Variants in ST3GAL3 observed in about 807,000 individuals in gnomAD.
ST3GAL3 encodes the protein CMP-N-acetylneuraminate-beta-1,4-galactoside alpha-2,3-sialyltransferase.
Under a neutral mutation model 50.1 loss-of-function variants are expected in ST3GAL3, and 21 were observed. The ratio of observed to expected loss-of-function variants is 0.42; its 90% confidence interval spans 0.30 to 0.60. ST3GAL3 has a LOEUF of 0.60. Ranked by LOEUF, ST3GAL3 falls within the 20% of genes least tolerant of loss-of-function variation. ST3GAL3 has a pLI of 0.19. For synonymous variants in ST3GAL3, 183 were observed against 190.0 expected (o/e 0.96, Z 0.30); for missense variants, 353 against 489.4 (o/e 0.72, Z 2.63).
chr1:43,807,308 C>T (rs142210612), intron 3 of ST3GAL3, among the ~76,000 whole-genome samples: 2,567 of 151,966 alleles, frequency 0.017, 73 homozygotes, highest in African/African-American at 0.059. Flanking sequence ...CCCAGCTACT[C>T]GGGAGGCTGA....
intron 9 of ST3GAL3, among the ~76,000 whole-genome samples, chr1:43,904,999 T>TCCC (rs2079006009): frequency 1.1e-5 from 1 of 91,548 alleles, no homozygotes; most frequent in Non-Finnish European, 2.0e-5. Context: ...TTCCCCCTCC[T>TCCC]CCTGCTCCTC....
intron 9 of ST3GAL3, chr1:43,912,367 G>A (rs2081079915): frequency 6.6e-6 from 1 of 152,140 alleles, no homozygotes; most frequent in African/African-American, 2.4e-5. Context: ...AACTTGCTTA[G>A]GGGTACAGAG....
chr1:43,815,460 A>G (rs1288081789), intron 4 of ST3GAL3, among the ~76,000 whole-genome samples: 1 of 152,102 alleles, frequency 6.6e-6, no homozygotes, highest in Admixed American at 6.5e-5. Flanking sequence ...TAAAAAAACT[A>G]CTTCCTCCCC....
intron 5 of ST3GAL3, chr1:43,838,576 G>A (rs868235645): frequency 3.5e-5 from 15 of 427,422 alleles, no homozygotes; most frequent in African/African-American, 1.8e-4. Context: ...CCGCATGCAA[G>A]CCAGGTATCC....
intron 3 of ST3GAL3, among the ~76,000 whole-genome samples, chr1:43,798,823 C>T (rs1323198044): frequency 6.6e-6 from 1 of 152,158 alleles, no homozygotes; most frequent in African/African-American, 2.4e-5. Flanking sequence ...ATCACTGTAT[C>T]GCCGGTATTT....
intron 6 of ST3GAL3, among the ~76,000 whole-genome samples, chr1:43,895,911 T>C (rs2154268181): frequency 6.6e-6 from 1 of 152,332 alleles, no homozygotes; most frequent in South Asian, 2.1e-4. Flanking sequence ...TAATGTGTGC[T>C]CTTTCTGCTG....
intron 4 of ST3GAL3, among the ~76,000 whole-genome samples, chr1:43,820,792 G>A (rs1431199432): frequency 6.6e-6 from 1 of 152,154 alleles, no homozygotes; most frequent in African/African-American, 2.4e-5. Context: ...AGAACTTTTT[G>A]TTGGTTAAAA....
intron 1 of ST3GAL3, among the ~76,000 whole-genome samples, chr1:43,723,356 G>A (rs901032278): frequency 6.6e-6 from 1 of 151,994 alleles, no homozygotes; most frequent in African/African-American, 2.4e-5. Context: ...TGATCCACCT[G>A]CCTCGGCCTC....
chr1:43,865,387 C>T (rs2071087973), intron 5 of ST3GAL3, among the ~76,000 whole-genome samples: 1 of 152,058 alleles, frequency 6.6e-6, no homozygotes, highest in South Asian at 2.1e-4. Context: ...GAAATTTTTT[C>T]ATTACATCAC....
chr1:43,787,123 C>T (rs576274339), intron 2 of ST3GAL3, among the ~76,000 whole-genome samples: 20 of 152,346 alleles, frequency 1.3e-4, no homozygotes, highest in African/African-American at 4.8e-4. Flanking sequence ...CCAGTAAATT[C>T]TAGGTTTCCT....
intron 2 of ST3GAL3, among the ~76,000 whole-genome samples, chr1:43,777,611 A>G (rs773439608): frequency 2.6e-5 from 4 of 152,234 alleles, no homozygotes; most frequent in South Asian, 2.1e-4. Flanking sequence ...TTAACTCAAG[A>G]CGGATTAAAG....
intron 2 of ST3GAL3, among the ~76,000 whole-genome samples, chr1:43,766,467 T>C (rs943756170): frequency 6.6e-6 from 1 of 151,962 alleles, no homozygotes; most frequent in African/African-American, 2.4e-5. Flanking sequence ...GAGGAAGAGA[T>C]GGGCACTGAA....
At chr1:43,736,595 T>A in intron 2 of ST3GAL3, 1 of 782,360 alleles carries the variant, frequency 1.3e-6, no homozygotes, top group Non-Finnish European at 2.1e-6. Context: ...CAAATCTCAG[T>A]TCCTTTTACA....
At chr1:43,740,325 A>G (rs372454850) in intron 2 of ST3GAL3, among the ~76,000 whole-genome samples, 1 of 151,356 alleles carries the variant, frequency 6.6e-6, no homozygotes, top group East Asian at 1.9e-4. Context: ...GCCACAGAGC[A>G]AGACTCAGTC....
rs1394540701 is a variant in ST3GAL3 at position 43,731,844 on chromosome 1, T to TA, written c.-30-4381dup. ...ACTATGCCCGGCCCTGACTAATTTT[T>TA]AAAAAAAATTTTTTGTAGAGACAGG... On this transcript the variant is annotated intron_variant, in intron 1 of 11. Coordinates refer to ENST00000347631, the MANE Select transcript of ST3GAL3 (RefSeq NM_006279.5). Among the ~76,000 whole-genome samples the TA allele has an allele frequency of 5.9e-5, 9 of 151,952 alleles. No individual in the cohort carries two copies. In the South Asian group the frequency reaches 1.0e-3, roughly 18 times the overall value.
chr1:43,762,466 A>C (rs1690879220), intron 2 of ST3GAL3, among the ~76,000 whole-genome samples: 1 of 152,032 alleles, frequency 6.6e-6, no homozygotes, highest in Non-Finnish European at 1.5e-5. Flanking sequence ...AATACTTTTA[A>C]TCTTCCCCTT....
At chr1:43,889,790 G>A (rs563627523) in intron 5 of ST3GAL3, among the ~76,000 whole-genome samples, 1 of 152,112 alleles carries the variant, frequency 6.6e-6, no homozygotes, top group African/African-American at 2.4e-5. Context: ...ATTTTTTGCT[G>A]TGTGAATTAC....
chr1:43,751,820 T>A (rs984321730), intron 2 of ST3GAL3, among the ~76,000 whole-genome samples: 3 of 152,272 alleles, frequency 2.0e-5, no homozygotes, highest in African/African-American at 7.2e-5. Flanking sequence ...GGTTACATTT[T>A]TTTTTGTTCT....
intron 5 of ST3GAL3, among the ~76,000 whole-genome samples, chr1:43,867,768 T>C (rs2071686904): frequency 6.6e-6 from 1 of 152,234 alleles, no homozygotes; most frequent in Non-Finnish European, 1.5e-5. Flanking sequence ...CCGTACCTTC[T>C]TGGCTCTTGT....
Sources: gnomAD v4.1 joint callset for allele counts (sites outside exome capture counted in the v4.1 genomes callset) on GRCh38, gnomAD v4.1.1 for gene constraint, MANE v1.5 for transcripts, NCBI Gene and HGNC (gene_info 2026-07-23, HGNC 2026-07-21) for gene names.